Variants in CHGA observed in about 807,000 individuals in gnomAD.
CHGA encodes the protein chromogranin A, also known as chromogranin-A.
CHGA carries 41 observed loss-of-function variants against 54.4 expected under a neutral mutation model. That is an observed-to-expected ratio of 0.75 (90% CI 0.59 to 0.98). CHGA has a LOEUF of 0.98. Ranked by LOEUF, CHGA falls within the 50% of genes least tolerant of loss-of-function variation. CHGA has a pLI of 0.00. For missense variants in CHGA, 576 were observed against 582.3 expected, an observed-to-expected ratio of 0.99 and a Z score of 0.11; for synonymous variants, 249 against 232.8, an observed-to-expected ratio of 1.07 and a Z score of -0.63.
intron 2 of CHGA, 89 bp from the exon 3 acceptor site, chr14:92,926,516 T>C: frequency 2.9e-6 from 3 of 1,051,730 alleles, no homozygotes; most frequent in Middle Eastern, 2.0e-4. Flanking sequence ...AAATACCCTC[T>C]GTCCTCACTA....
At chr14:92,929,855 G>T in intron 5 of CHGA, 40 bp downstream of exon 5, 1 of 1,549,078 alleles carries the variant, frequency 6.5e-7, no homozygotes, top group Non-Finnish European at 8.9e-7. Flanking sequence ...GGGAAGGGAG[G>T]GTGGCAGTGG....
In CHGA at chr14:92,932,676, T is replaced by G. The variant is rs548111245; in HGVS notation, c.1115T>G (p.Met372Arg). 86 of 1,608,976 alleles carry G rather than the reference T, an allele frequency of 5.3e-5. 1 individual carries two copies. In the South Asian group the frequency reaches 9.1e-4, roughly 17 times the overall value. The change falls in exon 7 of 8, where the codon ATG becomes AGG. Residue 372 changes from methionine to arginine, a missense_variant. Transcript: ENST00000216492. This position sits in a 1 kb window ranked among gnomAD's most constrained non-coding sequence, Gnocchi z 5.3. ...GAGGAGGACAACCGGGACAGTTCCA[T>G]GAAGCTCTCCTTCCGGGCCCGGGCC... is the stretch of plus-strand genomic sequence containing the variant. ...EEEEDNRDSS[M>R]KLSFRARAYG... is the part of the protein sequence containing the mutation.
chr14:92,923,342 T>C lies in CHGA; in HGVS notation c.-18T>C. The C allele has an allele frequency of 7.6e-7, 1 of 1,321,908 alleles. No homozygotes were observed. The allele number at this position is 1,321,908 out of a possible 1,614,324, so 81.9% of individuals were successfully genotyped here. Reference sequence around the variant, plus strand: ...TGCCCGGCCCCACACCGCCAGCTGCTCGGCGCCCGGGTCCGCCATGCGCTC... The same window carrying C: ...TGCCCGGCCCCACACCGCCAGCTGCCCGGCGCCCGGGTCCGCCATGCGCTC... On this transcript the variant is annotated 5_prime_UTR_variant, in exon 1 of 8. Transcript: ENST00000216492.
chr14:92,934,607 G>A (rs1367133543), intron 7 of CHGA, among the ~76,000 whole-genome samples, 194 bp from the exon 8 acceptor site: 4 of 152,182 alleles, frequency 2.6e-5, no homozygotes, highest in Non-Finnish European at 2.9e-5. Context: ...CCCGGCATCA[G>A]CCACCTTCTT....
Position 92,932,149 on chromosome 14 carries a change from C to T in CHGA, c.809-221C>T. On this transcript the variant is annotated intron_variant, in intron 6 of 7. Transcript: ENST00000216492. The surrounding 1 kb of genome is among the most constrained non-coding windows in gnomAD (Gnocchi z 5.3). The stretch of plus-strand genomic sequence containing the variant: ...TCCTCACTCTCCAGCTGCCGGGCTT[C>T]TGGGGTGAGGATGAGGGGAAGAGGC... 3.6e-6 allele frequency: 2 copies of T among 557,960 alleles called. No individual in the cohort carries two copies. The highest frequency in any genetic ancestry group is 6.0e-6 in the Non-Finnish European group (2 of 330,748). The allele number at this position is 557,960 out of a possible 1,614,324, so 34.6% of individuals were successfully genotyped here. A position where few individuals can be genotyped will look rare whatever the true frequency, so the allele number is the denominator to read the frequency against.
At chr14:92,927,704 C>T in intron 4 of CHGA, 86 bp downstream of exon 4, 1 of 1,053,072 alleles carries the variant, frequency 9.5e-7, no homozygotes, top group Non-Finnish European at 1.4e-6. Flanking sequence ...GCAAGTTCCT[C>T]TCTGGGACTG....
In CHGA at chr14:92,932,153, G is replaced by C; in HGVS notation, c.809-217G>C. ...CACTCTCCAGCTGCCGGGCTTCTGG[G>C]GTGAGGATGAGGGGAAGAGGCAGGC... On this transcript the variant is annotated intron_variant, in intron 6 of 7. Coordinates refer to ENST00000216492, the MANE Select transcript of CHGA (RefSeq NM_001275.4). This position sits in a 1 kb window ranked among gnomAD's most constrained non-coding sequence, Gnocchi z 5.3. 1 of 569,698 alleles carries C rather than the reference G, an allele frequency of 1.8e-6. No individual in the cohort carries two copies. The highest frequency in any genetic ancestry group is 2.9e-6 in the Non-Finnish European group (1 of 340,098). The allele number at this position is 569,698 out of a possible 1,614,324, so 35.3% of individuals were successfully genotyped here. A position where few individuals can be genotyped will look rare whatever the true frequency, so the allele number is the denominator to read the frequency against.
intron 7 of CHGA, chr14:92,933,074 C>A: frequency 1.7e-6 from 1 of 582,234 alleles, no homozygotes; most frequent in Non-Finnish European, 2.7e-6. Flanking sequence ...CTCAGGTCAG[C>A]CTGTGGCAGC....
At chr14:92,928,830 C>T (rs1205442319) in intron 4 of CHGA, among the ~76,000 whole-genome samples, 1 of 152,180 alleles carries the variant, frequency 6.6e-6, no homozygotes, top group Non-Finnish European at 1.5e-5. Flanking sequence ...CCGTCCACTC[C>T]CTCTTGGGCT....
In CHGA at chr14:92,934,819, C is replaced by A; in HGVS notation, c.1309C>A (p.Leu437Met). The change falls in exon 8 of 8, where the codon CTG becomes ATG. Residue 437 changes from leucine to methionine, a missense_variant. Transcript: ENST00000216492. ...RRPEDQELES[L>M]SAIEAELEKV... ...CTCCTAGGACCAGGAGCTGGAGAGC[C>A]TGTCGGCCATTGAAGCAGAGCTGGA... is the stretch of plus-strand genomic sequence containing the variant. 1 of 1,586,412 alleles carries A rather than the reference C, an allele frequency of 6.3e-7. No homozygotes were observed. Among genetic ancestry groups the A allele is most frequent in the Non-Finnish European group, 8.6e-7 (1 of 1,167,410 alleles).
chr14:92,926,223 G>T (rs766290297), intron 2 of CHGA: 6 of 219,378 alleles, frequency 2.7e-5, no homozygotes, highest in Non-Finnish European at 5.6e-5. Context: ...GCATCTTCAC[G>T]ATCAGAGCAC....
Position 92,923,384 on chromosome 14 carries a change from C to A in CHGA, c.25C>A (p.Leu9Ile). Residue 9 changes from leucine (L) to isoleucine (I), a missense_variant, in exon 1 of 8, where the codon CTT becomes ATT. By Grantham distance (5) the Leu-to-Ile change is conservative. Transcript: ENST00000216492. MRSAAVLA[L>I]LLCAGQVTAL... ...CATGCGCTCCGCCGCTGTCCTGGCTCTTCTGCTCTGCGCCGGGCAAGGTGA... is the reference window on the plus strand; with the variant it reads ...CATGCGCTCCGCCGCTGTCCTGGCTATTCTGCTCTGCGCCGGGCAAGGTGA... The A allele has an allele frequency of 7.8e-7, 1 of 1,287,416 alleles. No individual in the cohort carries two copies. The highest frequency in any genetic ancestry group is 9.8e-7 in the Non-Finnish European group (1 of 1,021,894). The allele number at this position is 1,287,416 out of a possible 1,614,324, so 79.7% of individuals were successfully genotyped here. A position where few individuals can be genotyped will look rare whatever the true frequency, so the allele number is the denominator to read the frequency against.
intron 4 of CHGA, among the ~76,000 whole-genome samples, chr14:92,928,528 C>G (rs1254040238): frequency 2.0e-5 from 3 of 152,170 alleles, no homozygotes; most frequent in Non-Finnish European, 1.5e-5. Flanking sequence ...CTATTATTAC[C>G]TGGATAGTTA....
rs1887022925 is a variant in CHGA, at chr14:92,932,469, AAG to A, written c.911_912del (p.Glu304GlyfsTer51). 1.3e-6 allele frequency: 2 copies of A among 1,557,390 alleles called. No homozygotes were observed. The highest frequency in any genetic ancestry group is 2.4e-5 in the South Asian group (2 of 84,406). On this transcript the variant is annotated frameshift_variant, in exon 7 of 8. Coordinates refer to ENST00000216492, the MANE Select transcript of CHGA (RefSeq NM_001275.4). LOFTEE classifies it high-confidence loss of function. The surrounding 1 kb of genome is among the most constrained non-coding windows in gnomAD (Gnocchi z 5.3). ...GGAGAACAGGAGCACTCCCAGCAGA[AAG>A]AGGAGGAGGAGGAGATGGCAGTGGT...
At chr14:92,924,403 G>T (rs1886847687) in intron 2 of CHGA, among the ~76,000 whole-genome samples, 158 bp downstream of exon 2, 1 of 152,220 alleles carries the variant, frequency 6.6e-6, no homozygotes, top group Non-Finnish European at 1.5e-5. Context: ...ATCAAAGATT[G>T]CTTGCTTTCC....
Position 92,932,798 on chromosome 14 carries a change from G to C in CHGA, c.1237G>C (p.Gly413Arg). The C allele has an allele frequency of 3.2e-6, 5 of 1,565,640 alleles. No homozygotes were observed. Among genetic ancestry groups the C allele is most frequent in the Non-Finnish European group, 4.3e-6 (5 of 1,154,764 alleles). Residue 413 changes from glycine to arginine, a missense_variant, in exon 7 of 8, where the codon GGC becomes CGC. Coordinates refer to ENST00000216492, the MANE Select transcript of CHGA (RefSeq NM_001275.4). This position sits in a 1 kb window ranked among gnomAD's most constrained non-coding sequence, Gnocchi z 5.3. ...GGCGGGCCTGCCCCTCCAGGTCCGA[G>C]GCTACCCCGAGGAGAAGAAAGAGGA... ...LEAGLPLQVRGYPEEKKEEEG... is the reference protein window; with the variant it reads ...LEAGLPLQVRRYPEEKKEEEG...
Position 92,927,595 on chromosome 14 carries a change from A to C in CHGA, c.233A>C (p.Glu78Ala). Reference protein sequence around the residue: ...SILRHQNLLKELQDLALQGAK... With the variant: ...SILRHQNLLKALQDLALQGAK... ...CTGAGACATCAGAATTTACTGAAGG[A>C]GCTCCAAGACCTCGCTCTCCAAGGT... The change falls in exon 4 of 8, where the codon GAG (glutamate) becomes GCG (alanine). Residue 78 changes from glutamate to alanine, a missense_variant. Coordinates refer to ENST00000216492, the MANE Select transcript of CHGA (RefSeq NM_001275.4). 1 of 1,613,694 alleles carries C rather than the reference A, an allele frequency of 6.2e-7. No homozygotes were observed. The highest frequency in any genetic ancestry group is 1.3e-5 in the African/African-American group (1 of 75,000).
chr14:92,932,865 G>A lies in CHGA; in HGVS notation c.1290+14G>A, dbSNP rs558532334. Reference sequence around the variant, plus strand: ...CGCAGACCAGAGGTTGGTATGGGGCGGGAGCCAGCTCTGTGCCAGGCCACG... The same window carrying A: ...CGCAGACCAGAGGTTGGTATGGGGCAGGAGCCAGCTCTGTGCCAGGCCACG... On this transcript the variant is annotated intron_variant, in intron 7 of 7. Coordinates refer to ENST00000216492, the MANE Select transcript of CHGA (RefSeq NM_001275.4). This position sits in a 1 kb window ranked among gnomAD's most constrained non-coding sequence, Gnocchi z 5.3. 3.5e-5 allele frequency: 52 copies of A among 1,469,204 alleles called. No homozygotes were observed. In the East Asian group the frequency reaches 3.7e-4, roughly 10 times the overall value. 91.0% of individuals were successfully genotyped at this position (1,469,204 alleles called of 1,614,324 possible).
intron 1 of CHGA, 66 bp from the exon 2 acceptor site, chr14:92,924,133 G>A (rs1886841540): frequency 8.3e-6 from 13 of 1,569,274 alleles, no homozygotes; most frequent in South Asian, 2.3e-5. Context: ...CAGTGAGCCC[G>A]GTCAGAAAGG....
Sources: gnomAD v4.1 joint callset for allele counts (sites outside exome capture counted in the v4.1 genomes callset) on GRCh38, gnomAD v4.1.1 for gene constraint, Gnocchi (gnomAD v3.1) non-coding constraint, MANE v1.5 for transcripts, NCBI Gene and HGNC (gene_info 2026-07-23, HGNC 2026-07-21) for gene names.